Variants in PRKG1 observed in about 807,000 individuals in gnomAD.
PRKG1 encodes cGMP-dependent protein kinase 1.
A neutral mutation model predicts 88.1 loss-of-function variants in PRKG1; 35 were observed. The observed-to-expected ratio is 0.40, with a 90% CI of 0.30 to 0.53. The LOEUF is 0.53. Among genes scored for constraint, PRKG1 ranks in the 20% least tolerant of loss-of-function variants. PRKG1 has a pLI of 0.59. For missense variants in PRKG1, 540 were observed against 839.8 expected (o/e 0.64, Z 4.41); for synonymous variants, 303 against 292.5 (o/e 1.04, Z -0.37).
At chr10:51,587,585 G>A (rs1838204732) in intron 3 of PRKG1, among the ~76,000 whole-genome samples, 1 of 152,146 alleles carries the variant, frequency 6.6e-6, no homozygotes, top group Admixed American at 6.5e-5. Flanking sequence ...TTTGTATAGT[G>A]TTACTTTAGT....
In PRKG1 at chr10:51,951,978, G is replaced by A. The variant is rs185656300; in HGVS notation, c.762+44408G>A. 4.6e-5 allele frequency among the ~76,000 whole-genome samples: 7 copies of A among 152,246 alleles called. 1 individual carries two copies. The highest frequency in any genetic ancestry group is 1.7e-4 in the African/African-American group (7 of 41,568). ...TTCAGATTTCAGTGTTCATAAAGGTGTTATTGGAACCTTGCCATACCCATT... is the reference window on the plus strand; with the variant it reads ...TTCAGATTTCAGTGTTCATAAAGGTATTATTGGAACCTTGCCATACCCATT... On this transcript the variant is annotated intron_variant, in intron 5 of 17. Transcript: ENST00000373980.
chr10:52,037,421 A>G (rs1210029340), intron 5 of PRKG1, among the ~76,000 whole-genome samples: 1 of 152,200 alleles, frequency 6.6e-6, no homozygotes, highest in African/African-American at 2.4e-5. Context: ...GCCGGAATTT[A>G]ATTTTTGGAG....
At chr10:51,859,168 C>A (rs952332572) in intron 4 of PRKG1, among the ~76,000 whole-genome samples, 1 of 152,154 alleles carries the variant, frequency 6.6e-6, no homozygotes, top group Admixed American at 6.6e-5. Context: ...TTTAAATTGG[C>A]GTTCAAATGT....
intron 17 of PRKG1, among the ~76,000 whole-genome samples, chr10:52,292,893 G>A (rs1842285605): frequency 6.6e-6 from 1 of 152,038 alleles, no homozygotes; most frequent in East Asian, 1.9e-4. Context: ...TCAACATAGT[G>A]TTGGAAGTTC....
intron 3 of PRKG1, among the ~76,000 whole-genome samples, chr10:51,647,999 T>C: frequency 6.6e-6 from 1 of 151,364 alleles, no homozygotes; most frequent in East Asian, 1.9e-4. Flanking sequence ...ATTTTTCCTT[T>C]TAGGTTATAA....
At chr10:51,248,053 C>A (rs1313111399) in intron 2 of PRKG1, among the ~76,000 whole-genome samples, 1 of 151,768 alleles carries the variant, frequency 6.6e-6, no homozygotes, top group Admixed American at 6.6e-5. Context: ...AAACAACAAT[C>A]GTAAAAGGGA....
chr10:51,493,700 C>T (rs949857091), intron 3 of PRKG1, among the ~76,000 whole-genome samples: 5 of 152,256 alleles, frequency 3.3e-5, no homozygotes, highest in East Asian at 3.9e-4. Flanking sequence ...TTCAGCTGCT[C>T]CACACGATTC....
chr10:52,026,656 A>G (rs942183682), intron 5 of PRKG1, among the ~76,000 whole-genome samples: 3 of 152,250 alleles, frequency 2.0e-5, no homozygotes, highest in Non-Finnish European at 4.4e-5. Context: ...AACTCTGTTA[A>G]GATACTAAAA....
chr10:51,722,810 G>A (rs74368369), intron 3 of PRKG1, among the ~76,000 whole-genome samples: 2,357 of 152,252 alleles, frequency 0.015, 70 homozygotes, highest in African/African-American at 0.053. Flanking sequence ...AGCATTTATA[G>A]ATACAAGAGA....
chr10:52,020,670 C>T (rs557487605), intron 5 of PRKG1, among the ~76,000 whole-genome samples: 103 of 152,096 alleles, frequency 6.8e-4, no homozygotes, highest in African/African-American at 2.4e-3. Flanking sequence ...GTGGGCTGCC[C>T]ACCTGTGCAA....
intron 3 of PRKG1, among the ~76,000 whole-genome samples, chr10:51,511,884 C>T (rs2132061412): frequency 6.6e-6 from 1 of 152,296 alleles, no homozygotes; most frequent in South Asian, 2.1e-4. Context: ...CAATTCAAAT[C>T]AGTGATGGTC....
At chr10:51,672,009 C>A (rs1376669590) in intron 3 of PRKG1, among the ~76,000 whole-genome samples, 1 of 151,914 alleles carries the variant, frequency 6.6e-6, no homozygotes, top group East Asian at 1.9e-4. Flanking sequence ...CACAATTTAA[C>A]CCAGTACAGT....
intron 5 of PRKG1, among the ~76,000 whole-genome samples, chr10:51,990,147 A>T (rs773954516): frequency 4.6e-5 from 7 of 152,058 alleles, no homozygotes; most frequent in Non-Finnish European, 7.4e-5. Flanking sequence ...AAATGCATAA[A>T]TTTATTTCTG....
intron 3 of PRKG1, among the ~76,000 whole-genome samples, chr10:51,515,700 A>G (rs186612877): frequency 8.5e-4 from 130 of 152,216 alleles, no homozygotes; most frequent in African/African-American, 3.0e-3. Flanking sequence ...TGAGTACCCA[A>G]TCAAGTTCCA....
At chr10:52,167,418 G>A (rs1022407045) in intron 9 of PRKG1, among the ~76,000 whole-genome samples, 1 of 152,084 alleles carries the variant, frequency 6.6e-6, no homozygotes, top group African/African-American at 2.4e-5. Context: ...ATTTTAACAT[G>A]AGATTTAGAC....
chr10:51,004,820 T>C (rs1842924859), intron 1 of PRKG1, among the ~76,000 whole-genome samples: 1 of 152,180 alleles, frequency 6.6e-6, no homozygotes, highest in South Asian at 2.1e-4. Context: ...TATCTATTGC[T>C]CTTAAATAAA....
Position 51,628,004 on chromosome 10 carries a change from C to CTT in PRKG1, c.592+160169_592+160170insTT, listed in dbSNP as rs1369528196. Among the ~76,000 whole-genome samples, 5 of 44,108 alleles carry CTT rather than the reference C, an allele frequency of 1.1e-4. 1 individual carries two copies. The highest frequency in any genetic ancestry group is 5.1e-4 in the Admixed American group (2 of 3,910). The allele number at this position is 44,108 out of a possible 152,430, so 28.9% of individuals were successfully genotyped here. On this transcript the variant is annotated intron_variant, in intron 3 of 17. Transcript: ENST00000373980. ...TCTTTCTTTCTTTCTCTCTCTCTCT[C>CTT]TCTCTCTTTCTTTCTTTCTTTCTTT...
chr10:51,514,300 G>C (rs533082013), intron 3 of PRKG1, among the ~76,000 whole-genome samples: 1 of 152,080 alleles, frequency 6.6e-6, no homozygotes, highest in Admixed American at 6.6e-5. Flanking sequence ...TTATTTCTTT[G>C]TCTGGGTCGT....
chr10:51,865,439 T>A (rs78816626), intron 4 of PRKG1, among the ~76,000 whole-genome samples: 13,973 of 152,094 alleles, frequency 0.092, 825 homozygotes, highest in African/African-American at 0.16. Flanking sequence ...TTTGAAGGCA[T>A]TAAGCATTAT....
Sources: gnomAD v4.1 joint callset for allele counts (sites outside exome capture counted in the v4.1 genomes callset) on GRCh38, gnomAD v4.1.1 for gene constraint, MANE v1.5 for transcripts, NCBI Gene and HGNC (gene_info 2026-07-23, HGNC 2026-07-21) for gene names.